TPD52L1: variants seen among roughly 807,000 people sequenced by gnomAD.
The protein encoded by TPD52L1 is TPD52 like 1.
In TPD52L1, 18 loss-of-function variants were observed where a neutral mutation model predicts 28.7. The ratio of observed to expected loss-of-function variants is 0.63; its 90% CI spans 0.43 to 0.93. The LOEUF (loss-of-function observed/expected upper bound fraction) is 0.93. Ranked by LOEUF, TPD52L1 falls within the 40% of genes least tolerant of loss-of-function variation. TPD52L1 has a pLI of 0.00. For synonymous variants in TPD52L1, 75 were observed against 88.8 expected (o/e 0.84, Z 0.88); for missense variants, 203 against 254.8 (o/e 0.80, Z 1.39).
In TPD52L1 at chr6:125,248,393, G is replaced by C. The variant is rs1410926231; in HGVS notation, c.386+10G>C. 2 of 1,610,914 alleles carry C rather than the reference G, an allele frequency of 1.2e-6. No individual in the cohort carries two copies. The highest frequency in any genetic ancestry group is 4.5e-5 in the East Asian group (2 of 44,856). On this transcript the variant is annotated intron_variant, in intron 4 of 6. Transcript: ENST00000534000. Reference sequence around the variant, plus strand: ...AGTTCGGAGACATGAGGTACTGTGGGAAAATACCATGGGAACGGCGCTAAG... The same window carrying C: ...AGTTCGGAGACATGAGGTACTGTGGCAAAATACCATGGGAACGGCGCTAAG...
rs770362656 is a variant in TPD52L1, at chr6:125,162,154, A to G, written c.19+8184A>G. 3.3e-5 allele frequency among the ~76,000 whole-genome samples: 5 copies of G among 152,218 alleles called. No individual in the cohort carries two copies. In the East Asian group the frequency reaches 7.7e-4, roughly 23 times the overall value. ...TATTAAGACTATTCATACAATTTTC[A>G]AAGTTACCTCCTGTAGTTTTGTTTC... On this transcript the variant is annotated intron_variant, in intron 1 of 6. Transcript: ENST00000534000.
intron 1 of TPD52L1, among the ~76,000 whole-genome samples, chr6:125,181,589 A>G (rs1478509597): frequency 6.6e-6 from 1 of 152,240 alleles, no homozygotes; most frequent in Non-Finnish European, 1.5e-5. Context: ...AAATTGAAGC[A>G]TGTGTTATTT....
At chr6:125,247,180 A>G (rs1415436715) in intron 3 of TPD52L1, among the ~76,000 whole-genome samples, 1 of 152,144 alleles carries the variant, frequency 6.6e-6, no homozygotes, top group Non-Finnish European at 1.5e-5. Flanking sequence ...ATGTTTTCTT[A>G]CAGATACCAT....
At chr6:125,226,719 G>A (rs1433138659) in intron 2 of TPD52L1, among the ~76,000 whole-genome samples, 2 of 149,936 alleles carry the variant, frequency 1.3e-5, no homozygotes, top group Non-Finnish European at 3.0e-5. Flanking sequence ...CACTCTAAAT[G>A]AAAGAAAGCA....
intron 1 of TPD52L1, among the ~76,000 whole-genome samples, chr6:125,175,016 T>C (rs1228340365): frequency 6.6e-6 from 1 of 152,190 alleles, no homozygotes; most frequent in African/African-American, 2.4e-5. Context: ...TTTACATATA[T>C]ATGTGTGTGT....
At chr6:125,172,157 T>TTTCTTTTC (rs1554202455) in intron 1 of TPD52L1, among the ~76,000 whole-genome samples, 82 of 53,970 alleles carry the variant, frequency 1.5e-3, no homozygotes, top group Middle Eastern at 9.6e-3. Context: ...TCTTTCTTTC[T>TTTCTTTTC]TTTCTTTCTT....
chr6:125,214,525 T>TAGCAAAAGCCAAGCCCA, intron 1 of TPD52L1: 1 of 879,806 alleles, frequency 1.1e-6, no homozygotes, highest in Non-Finnish European at 1.4e-6. Context: ...GTCCTGGGCT[T>TAGCAAAAGCCAAGCCCA]GGCTTTTGCT....
rs757981582 is a variant in TPD52L1 at position 125,229,219 on chromosome 6, A to C, written c.237A>C (p.Leu79Phe). Residue 79 changes from leucine (L) to phenylalanine (F), a missense_variant, in exon 3 of 7, where the codon TTA (leucine) becomes TTC (phenylalanine). Coordinates refer to ENST00000534000, the MANE Select transcript of TPD52L1 (RefSeq NM_003287.4). ...QKLGMNLMNE[L>F]KQNFSKSWHD... ...TCGGCATGAACCTGATGAATGAATT[A>C]AAACAGAACTTCAGCAAAAGCTGGC... 6.2e-7 allele frequency: 1 copy of C among 1,613,700 alleles called. No individual in the cohort carries two copies. The highest frequency in any genetic ancestry group is 8.5e-7 in the Non-Finnish European group (1 of 1,179,790).
At chr6:125,209,760 A>G (rs1794379285) in intron 1 of TPD52L1, among the ~76,000 whole-genome samples, 1 of 152,184 alleles carries the variant, frequency 6.6e-6, no homozygotes. Flanking sequence ...AAAGAAGGAA[A>G]TTGTCATATT....
chr6:125,163,295 T>A (rs1166027787), intron 1 of TPD52L1, among the ~76,000 whole-genome samples: 1 of 152,188 alleles, frequency 6.6e-6, no homozygotes, highest in Non-Finnish European at 1.5e-5. Flanking sequence ...TGCACTTTTT[T>A]AAAAAGCATG....
chr6:125,223,457 C>T (rs185944017), intron 2 of TPD52L1, among the ~76,000 whole-genome samples: 3 of 152,146 alleles, frequency 2.0e-5, no homozygotes, highest in Admixed American at 2.0e-4. Flanking sequence ...GCCTGTAATC[C>T]CAGCACTTTG....
At chr6:125,183,591 G>T (rs1249958662) in intron 1 of TPD52L1, among the ~76,000 whole-genome samples, 1 of 152,222 alleles carries the variant, frequency 6.6e-6, no homozygotes, top group African/African-American at 2.4e-5. Flanking sequence ...AGAAGCACAT[G>T]ATGTAGTTCA....
chr6:125,177,143 G>A (rs553380483), intron 1 of TPD52L1, among the ~76,000 whole-genome samples: 17 of 152,304 alleles, frequency 1.1e-4, no homozygotes, highest in South Asian at 2.1e-4. Context: ...ACATTCACCC[G>A]TACATTGGTG....
chr6:125,194,095 C>T lies in TPD52L1; in HGVS notation c.20-25983C>T, dbSNP rs145228722. ...GACAAGGCCCCATGCTTTTTAGTTT[C>T]TAATAGTAGTGGACTGGAACTACTT... is the stretch of plus-strand genomic sequence containing the variant. On this transcript the variant is annotated intron_variant, in intron 1 of 6. Coordinates refer to ENST00000534000, the MANE Select transcript of TPD52L1 (RefSeq NM_003287.4). Among the ~76,000 whole-genome samples the T allele has an allele frequency of 4.5e-5, 6 of 132,540 alleles. No individual in the cohort carries two copies. The South Asian group carries it at 1.2e-3, about 27-fold the overall frequency. The allele number at this position is 132,540 out of a possible 152,430, so 87.0% of individuals were successfully genotyped here. A position where few individuals can be genotyped will look rare whatever the true frequency, so the allele number is the denominator to read the frequency against.
chr6:125,158,174 C>A (rs1428524143), intron 1 of TPD52L1, among the ~76,000 whole-genome samples: 1 of 152,144 alleles, frequency 6.6e-6, no homozygotes, highest in African/African-American at 2.4e-5. Flanking sequence ...CTTAATCACA[C>A]CTGCAAAAGG....
intron 2 of TPD52L1, among the ~76,000 whole-genome samples, chr6:125,222,660 A>G (rs1023518251): frequency 1.3e-5 from 2 of 152,206 alleles, no homozygotes; most frequent in Non-Finnish European, 2.9e-5. Flanking sequence ...GAATGTGAAT[A>G]TGGGACCTGA....
intron 2 of TPD52L1, among the ~76,000 whole-genome samples, chr6:125,226,808 A>G (rs945008873): frequency 6.6e-6 from 1 of 152,158 alleles, no homozygotes; most frequent in African/African-American, 2.4e-5. Context: ...AAGAGATACA[A>G]CCATGAGAAA....
In TPD52L1 at chr6:125,263,496, G is replaced by A. The variant is rs755166541; in HGVS notation, c.*534G>A. Reference sequence around the variant, plus strand: ...AGCAATTAAAAGAATTGATTTTAATGACTTTGAATTCTTAATTTCTTTGTC... The same window carrying A: ...AGCAATTAAAAGAATTGATTTTAATAACTTTGAATTCTTAATTTCTTTGTC... On this transcript the variant is annotated 3_prime_UTR_variant, in exon 7 of 7. Coordinates refer to ENST00000534000, the MANE Select transcript of TPD52L1 (RefSeq NM_003287.4). 6.6e-6 allele frequency: 1 copy of A among 152,212 alleles called. No homozygotes were observed. Among genetic ancestry groups the A allele is most frequent in the Non-Finnish European group, 1.5e-5 (1 of 68,080 alleles). The allele number at this position is 152,212 out of a possible 1,614,324, so 9.4% of individuals were successfully genotyped here. A position where few individuals can be genotyped will look rare whatever the true frequency, so the allele number is the denominator to read the frequency against.
Position 125,222,618 on chromosome 6 carries a change from G to T in TPD52L1, c.135+2425G>T, listed in dbSNP as rs541604110. On this transcript the variant is annotated intron_variant, in intron 2 of 6. Transcript: ENST00000534000. ...AAATAAATAATTCAAAATAAAAGCT[G>T]TTGGGACTTTAAATTATTTTGAGCC... Among the ~76,000 whole-genome samples, 5 of 152,272 alleles carry T rather than the reference G, an allele frequency of 3.3e-5. No individual in the cohort carries two copies. The East Asian group carries it at 7.7e-4, about 23-fold the overall frequency.
Sources: allele counts gnomAD v4.1 joint callset (sites outside exome capture counted in the v4.1 genomes callset), GRCh38; gene constraint gnomAD v4.1.1; transcripts MANE v1.5; gene names NCBI Gene and HGNC (gene_info 2026-07-23, HGNC 2026-07-21).